The following MLXIP variants were observed in gnomAD, a reference collection of about 807,000 sequenced individuals.
The protein encoded by MLXIP is MLX-interacting protein.
Under a neutral mutation model 87.2 loss-of-function variants are expected in MLXIP, and 30 were observed. That is an observed-to-expected ratio of 0.34 (90% CI 0.26 to 0.47). The LOEUF is 0.47. Among genes scored for constraint, MLXIP ranks in the 20% least tolerant of loss-of-function variants. The pLI, the probability that MLXIP is intolerant of heterozygous loss-of-function variation, is 1.00. For synonymous variants in MLXIP, 530 were observed against 514.0 expected, an observed-to-expected ratio of 1.03 and a Z score of -0.42; for missense variants, 1,002 against 1,240.1, an observed-to-expected ratio of 0.81 and a Z score of 2.88.
chr12:122,132,772 G>A (rs1452317959), intron 8 of MLXIP: 2 of 194,162 alleles, frequency 1.0e-5, no homozygotes, highest in Non-Finnish European at 2.1e-5. Context: ...GGTGCTTGGG[G>A]CTACAGAGCT....
intron 1 of MLXIP, among the ~76,000 whole-genome samples, chr12:122,098,160 G>A (rs948247034): frequency 6.6e-6 from 1 of 152,238 alleles, no homozygotes; most frequent in African/African-American, 2.4e-5. Flanking sequence ...TGTTTGTGGG[G>A]TGTTGGAGAT....
intron 1 of MLXIP, among the ~76,000 whole-genome samples, chr12:122,113,748 G>A (rs943721377): frequency 1.5e-5 from 2 of 129,868 alleles, no homozygotes; most frequent in African/African-American, 5.9e-5. Flanking sequence ...ACAGTGGTAC[G>A]ATCTCAGCTC....
intron 1 of MLXIP, among the ~76,000 whole-genome samples, chr12:122,114,201 T>C (rs776928693): frequency 6.7e-6 from 1 of 148,950 alleles, no homozygotes; most frequent in Non-Finnish European, 1.5e-5. Context: ...GGCCAGACTG[T>C]TATCAAACTC....
intron 9 of MLXIP, 127 bp downstream of exon 9, chr12:122,134,114 T>C: frequency 6.3e-6 from 7 of 1,113,940 alleles, no homozygotes; most frequent in Non-Finnish European, 8.7e-6. Context: ...CGCACACACA[T>C]ACACTTAAAT....
Position 122,135,179 on chromosome 12 carries a change from C to T in MLXIP, c.1733-45C>T, listed in dbSNP as rs769187690. ...GCAGCCTCTGCAGGGTGGGCCAGGC[C>T]CTGTGGCCCAGGGCTGCACCTGAAC... On this transcript the variant is annotated intron_variant, in intron 9 of 16. Coordinates refer to ENST00000319080, the MANE Select transcript of MLXIP (RefSeq NM_014938.6). This position sits in a 1 kb window ranked among gnomAD's most constrained non-coding sequence, Gnocchi z 5.3. The T allele has an allele frequency of 1.2e-6, 2 of 1,604,874 alleles. No homozygotes were observed. Among genetic ancestry groups the T allele is most frequent in the South Asian group, 2.2e-5 (2 of 89,570 alleles).
At chr12:122,141,276 T>A (rs1232205172) in intron 16 of MLXIP, 193 bp downstream of exon 16, 12 of 360,198 alleles carry the variant, frequency 3.3e-5, no homozygotes, top group Non-Finnish European at 4.3e-5. Context: ...CTTTTGTGTC[T>A]CCCAGCTTGT....
At position 122,137,566 on chromosome 12, in the gene MLXIP, C is replaced by T. The variant is rs1309061648; in HGVS notation, c.2130C>T (p.Asp710=). 6.2e-7 allele frequency: 1 copy of T among 1,613,984 alleles called. No homozygotes were observed. The highest frequency in any genetic ancestry group is 2.2e-5 in the East Asian group (1 of 44,880). Reference sequence around the variant, plus strand: ...AGAACAACTGCTCAGGGAAATCCGACCCCAAAAATGTGGCTGCACTAAAGG... The same window carrying T: ...AGAACAACTGCTCAGGGAAATCCGATCCCAAAAATGTGGCTGCACTAAAGG... The part of the protein sequence containing the change: ...SPQNNCSGKS[D]PKNVAALKNR... Residue 710 remains aspartate (D), a synonymous_variant, in exon 12 of 17, where the codon GAC becomes GAT. Transcript: ENST00000319080. This position sits in a 1 kb window ranked among gnomAD's most constrained non-coding sequence, Gnocchi z 4.1.
chr12:122,121,328 T>TA (rs1555231052), intron 1 of MLXIP, among the ~76,000 whole-genome samples: 2 of 145,332 alleles, frequency 1.4e-5, no homozygotes, highest in Admixed American at 6.9e-5. Context: ...TTTTTTTTTT[T>TA]AAATTGAGAT....
chr12:122,132,411 G>A lies in MLXIP; in HGVS notation c.1092+28G>A, dbSNP rs372893909. ...AGAGGAAGCTGGGGGATGGGTGGGG[G>A]AAGGGGCTGGCAGGCACAGGGCTGC... On this transcript the variant is annotated intron_variant, in intron 8 of 16. Coordinates refer to ENST00000319080, the MANE Select transcript of MLXIP (RefSeq NM_014938.6). 2.6e-4 allele frequency: 411 copies of A among 1,557,934 alleles called. No homozygotes were observed. The African/African-American group carries it at 5.0e-3, about 19-fold the overall frequency.
intron 1 of MLXIP, among the ~76,000 whole-genome samples, chr12:122,100,365 C>A (rs551515788): frequency 6.6e-6 from 1 of 152,152 alleles, no homozygotes; most frequent in Non-Finnish European, 1.5e-5. Flanking sequence ...TTGATATTAA[C>A]CAGTTTTCTA....
Position 122,127,988 on chromosome 12 carries a change from G to A in MLXIP, c.606+20G>A. 1 of 1,608,726 alleles carries A rather than the reference G, an allele frequency of 6.2e-7. No individual in the cohort carries two copies. Among genetic ancestry groups the A allele is most frequent in the Non-Finnish European group, 8.5e-7 (1 of 1,176,462 alleles). On this transcript the variant is annotated intron_variant, in intron 3 of 16. Coordinates refer to ENST00000319080, the MANE Select transcript of MLXIP (RefSeq NM_014938.6). ...CCGGAGGTACTTGGCAGTGACCAAGGGTGGCTGAGAGTGGAAACATACCAG... is the reference window on the plus strand; with the variant it reads ...CCGGAGGTACTTGGCAGTGACCAAGAGTGGCTGAGAGTGGAAACATACCAG...
intron 1 of MLXIP, among the ~76,000 whole-genome samples, chr12:122,114,175 A>G (rs768696578): frequency 6.6e-6 from 1 of 151,366 alleles, no homozygotes; most frequent in Non-Finnish European, 1.5e-5. Flanking sequence ...TTTAGTAGAC[A>G]GGGTTTCATC....
chr12:122,098,924 G>A (rs150980288), intron 1 of MLXIP, among the ~76,000 whole-genome samples: 3 of 152,338 alleles, frequency 2.0e-5, no homozygotes, highest in East Asian at 3.9e-4. Flanking sequence ...CGGGAACAGC[G>A]TCTTAGGACA....
chr12:122,139,106 C>T (rs545173108), intron 15 of MLXIP, 168 bp downstream of exon 15: 3 of 670,220 alleles, frequency 4.5e-6, no homozygotes, highest in South Asian at 1.3e-4. Context: ...CCGGCCTGGC[C>T]TGCTGTGTGG....
In MLXIP at chr12:122,133,396, A is replaced by C. The variant is rs918469186; in HGVS notation, c.1141A>C (p.Ser381Arg). The change falls in exon 9 of 17, where the codon AGC becomes CGC. Residue 381 changes from serine to arginine, a missense_variant. Physicochemically the swap from Ser to Arg is moderately radical, Grantham distance 110 (BLOSUM62 -1). Coordinates refer to ENST00000319080, the MANE Select transcript of MLXIP (RefSeq NM_014938.6). The surrounding 1 kb of genome is among the most constrained non-coding windows in gnomAD (Gnocchi z 4.9). ...TALPTVSLPDSLIAPPTAPSL... is the reference protein window; with the variant it reads ...TALPTVSLPDRLIAPPTAPSL... ...CCTCCCCACTGTGAGCCTTCCTGAC[A>C]GCCTCATCGCGCCCCCTACCGCCCC... 2.5e-6 allele frequency: 4 copies of C among 1,599,370 alleles called. No homozygotes were observed. In the African/African-American group the frequency reaches 4.0e-5, roughly 16 times the overall value.
chr12:122,098,902 C>G (rs776875413), intron 1 of MLXIP, among the ~76,000 whole-genome samples: 3 of 152,238 alleles, frequency 2.0e-5, no homozygotes, highest in Non-Finnish European at 4.4e-5. Flanking sequence ...CCTCCCTGCT[C>G]AGCAGGAGCA....
chr12:122,119,479 C>T (rs1952745339), intron 1 of MLXIP, among the ~76,000 whole-genome samples: 1 of 152,112 alleles, frequency 6.6e-6, no homozygotes, highest in Non-Finnish European at 1.5e-5. Context: ...GCAAGCTCCG[C>T]CTTCCAGGTT....
At chr12:122,123,822 C>T (rs967585718) in intron 1 of MLXIP, among the ~76,000 whole-genome samples, 1 of 152,162 alleles carries the variant, frequency 6.6e-6, no homozygotes, top group African/African-American at 2.4e-5. Context: ...GCCTCAGTCT[C>T]CCCAGTAGCT....
intron 1 of MLXIP, among the ~76,000 whole-genome samples, chr12:122,102,360 A>G (rs1689739898): frequency 6.6e-6 from 1 of 152,238 alleles, no homozygotes; most frequent in Non-Finnish European, 1.5e-5. Context: ...ATTAATCGTT[A>G]GGGAAATGCG....
Sources: allele counts gnomAD v4.1 joint callset (sites outside exome capture counted in the v4.1 genomes callset), GRCh38; gene constraint gnomAD v4.1.1; non-coding constraint Gnocchi (gnomAD v3.1); transcripts MANE v1.5; gene names NCBI Gene and HGNC (gene_info 2026-07-23, HGNC 2026-07-21).